FAM3B: variants seen among roughly 807,000 people sequenced by gnomAD.
FAM3B encodes FAM3 metabolism regulating signaling molecule B.
FAM3B carries 29 observed loss-of-function variants against 28.4 expected under a neutral mutation model. The ratio of observed to expected loss-of-function variants is 1.02; its 90% CI spans 0.76 to 1.39. The LOEUF (loss-of-function observed/expected upper bound fraction) is 1.39. Among genes scored for constraint, FAM3B ranks in the 40% most tolerant of loss-of-function variants. The pLI is 0.00. For missense variants in FAM3B, 266 were observed against 293.9 expected (o/e 0.91, Z 0.69); for synonymous variants, 91 against 103.0 (o/e 0.88, Z 0.71).
chr21:41,317,506 T>A (rs2088760760), intron 1 of FAM3B, among the ~76,000 whole-genome samples: 1 of 152,200 alleles, frequency 6.6e-6, no homozygotes, highest in Admixed American at 6.6e-5. Flanking sequence ...CTGTCCTCTG[T>A]CACTTTCCTG....
rs930714778 is a variant in FAM3B, at chr21:41,321,501, C to T, written c.20-1422C>T. Reference sequence around the variant, plus strand: ...GTCTGGTTTATCTGCTTTGAGATGACCTTCCAGTCCTGAAAACTGCACTGA... The same window carrying T: ...GTCTGGTTTATCTGCTTTGAGATGATCTTCCAGTCCTGAAAACTGCACTGA... On this transcript the variant is annotated intron_variant, in intron 1 of 7. Transcript: ENST00000357985. Among the ~76,000 whole-genome samples, 4 of 152,352 alleles carry T rather than the reference C, an allele frequency of 2.6e-5. No individual in the cohort carries two copies. The East Asian group carries it at 7.7e-4, about 29-fold the overall frequency.
intron 3 of FAM3B, among the ~76,000 whole-genome samples, chr21:41,341,628 G>A (rs1404624437): frequency 1.3e-5 from 2 of 152,202 alleles, no homozygotes; most frequent in Non-Finnish European, 1.5e-5. Flanking sequence ...ACTCTTTTGT[G>A]TCTGAGATTT....
chr21:41,340,536 T>A (rs1242883627), intron 3 of FAM3B, among the ~76,000 whole-genome samples: 5 of 152,206 alleles, frequency 3.3e-5, no homozygotes, highest in Admixed American at 2.0e-4. Context: ...CATGGCCTAA[T>A]CACCTCCTAA....
rs186562949 is a variant in FAM3B, at chr21:41,341,237, T to G, written c.287+2736T>G. Among the ~76,000 whole-genome samples the G allele has an allele frequency of 5.1e-3, 778 of 152,378 alleles. 4 individuals are homozygous for G. The highest frequency in any genetic ancestry group is 7.0e-3 in the African/African-American group (291 of 41,594). On this transcript the variant is annotated intron_variant, in intron 3 of 7. Coordinates refer to ENST00000357985, the MANE Select transcript of FAM3B (RefSeq NM_058186.4). ...ATAGCACGGATGTGTCATAGTTTAT[T>G]CAACTAGTTCTGCACTGATAGGCAT... is the stretch of plus-strand genomic sequence containing the variant.
chr21:41,323,151 T>G, intron 2 of FAM3B, 85 bp downstream of exon 2: 1 of 1,551,576 alleles, frequency 6.4e-7, no homozygotes, highest in Non-Finnish European at 8.7e-7. Context: ...AGCTGGAGGC[T>G]GGGGGGCCCT....
In FAM3B at chr21:41,327,950, C is replaced by G. The variant is rs561013287; in HGVS notation, c.163+4884C>G. 3.9e-5 allele frequency among the ~76,000 whole-genome samples: 6 copies of G among 152,284 alleles called. No homozygotes were observed. The South Asian group carries it at 1.0e-3, about 26-fold the overall frequency. ...TGCACAGTGGGTCCGTATAGAGGCG[C>G]GAGTCCTCTTCACCCTCCAGCTGAG... On this transcript the variant is annotated intron_variant, in intron 2 of 7. Transcript: ENST00000357985.
intron 7 of FAM3B, among the ~76,000 whole-genome samples, chr21:41,355,451 A>AT (rs2145837217): frequency 6.6e-6 from 1 of 152,362 alleles, no homozygotes; most frequent in East Asian, 1.9e-4. Context: ...AGAAATGTAT[A>AT]TATAAAATAT....
At chr21:41,349,930 G>A (rs940093307) in intron 7 of FAM3B, among the ~76,000 whole-genome samples, 1 of 151,734 alleles carries the variant, frequency 6.6e-6, no homozygotes. Flanking sequence ...CCCTGGCCTC[G>A]ACCCCTCCTT....
rs919561059 is a variant in FAM3B at position 41,353,765 on chromosome 21, T to C, written c.619-3343T>C. ...TTGGTTTAAGCAATGGTTTCTTAGA[T>C]ATGACACCACTAACAACAAAAGAAA... On this transcript the variant is annotated intron_variant, in intron 7 of 7. Transcript: ENST00000357985. Among the ~76,000 whole-genome samples the C allele has an allele frequency of 7.2e-5, 11 of 152,334 alleles. 1 individual carries two copies. Among genetic ancestry groups the C allele is most frequent in the East Asian group, 1.9e-4 (1 of 5,186 alleles).
At chr21:41,333,458 C>T (rs1323386955) in intron 2 of FAM3B, among the ~76,000 whole-genome samples, 2 of 152,098 alleles carry the variant, frequency 1.3e-5, no homozygotes, top group Admixed American at 1.3e-4. Context: ...GTGGTACCTC[C>T]CTCTTCTCTC....
rs2088860146 is a variant in FAM3B at position 41,326,984 on chromosome 21, G to C, written c.163+3918G>C. On this transcript the variant is annotated intron_variant, in intron 2 of 7. Coordinates refer to ENST00000357985, the MANE Select transcript of FAM3B (RefSeq NM_058186.4). The surrounding 1 kb of genome is among the most constrained non-coding windows in gnomAD (Gnocchi z 4.0). ...CTGGTGCCCTTTGATCATTGCAAAG[G>C]CTCCCAGTGCCTGTTGGTGCCAGAG... Among the ~76,000 whole-genome samples the C allele has an allele frequency of 6.6e-6, 1 of 152,192 alleles. No individual in the cohort carries two copies. Among genetic ancestry groups the C allele is most frequent in the African/African-American group, 2.4e-5 (1 of 41,434 alleles).
intron 1 of FAM3B, among the ~76,000 whole-genome samples, chr21:41,304,763 C>G (rs1168491279): frequency 2.6e-5 from 4 of 152,156 alleles, no homozygotes; most frequent in African/African-American, 9.7e-5. Context: ...TCCTGCTTGT[C>G]CCTGAAAACA....
chr21:41,334,215 G>C (rs1199453966), intron 2 of FAM3B, among the ~76,000 whole-genome samples: 1 of 152,216 alleles, frequency 6.6e-6, no homozygotes, highest in Non-Finnish European at 1.5e-5. Flanking sequence ...AGAAAAGCCT[G>C]TTTTCACAGG....
At chr21:41,316,795 C>T (rs748412177), upstream of FAM3B, 163 of 1,353,216 alleles carry the variant, frequency 1.2e-4, no homozygotes, top group Non-Finnish European at 1.4e-4. Context: ...GCTGCCCGCC[C>T]CTTGCCTTCC....
intron 7 of FAM3B, 107 bp downstream of exon 7, chr21:41,348,831 G>A: frequency 8.0e-7 from 1 of 1,249,896 alleles, no homozygotes; most frequent in Non-Finnish European, 1.1e-6. Context: ...CATAAGAGTT[G>A]TGTCAGCTGT....
At chr21:41,311,248 AAAAATATATAT>A (rs1337207714) in intron 1 of FAM3B, among the ~76,000 whole-genome samples, 4 of 64,276 alleles carry the variant, frequency 6.2e-5, no homozygotes, top group African/African-American at 1.8e-4. Flanking sequence ...AAAAAAAAAA[AAAAATATATAT>A]ATATATATAT....
intron 7 of FAM3B, among the ~76,000 whole-genome samples, chr21:41,350,641 G>A (rs550870114): frequency 3.5e-4 from 53 of 152,320 alleles, no homozygotes; most frequent in African/African-American, 1.3e-3. Context: ...CAGGCTGTGC[G>A]CAGGACAACT....
intron 7 of FAM3B, among the ~76,000 whole-genome samples, chr21:41,349,636 G>A (rs966198326): frequency 6.6e-6 from 1 of 152,194 alleles, no homozygotes; most frequent in African/African-American, 2.4e-5. Flanking sequence ...ACAAGCAACA[G>A]AAGCAGCTCG....
At chr21:41,345,894 A>C in intron 5 of FAM3B, 158 bp downstream of exon 5, 1 of 597,416 alleles carries the variant, frequency 1.7e-6, no homozygotes, top group East Asian at 3.3e-5. Context: ...AGATCCTCTT[A>C]AACTCTAATT....
Sources: gnomAD v4.1 joint callset for allele counts (sites outside exome capture counted in the v4.1 genomes callset) on GRCh38, gnomAD v4.1.1 for gene constraint, Gnocchi (gnomAD v3.1) non-coding constraint, MANE v1.5 for transcripts, NCBI Gene and HGNC (gene_info 2026-07-23, HGNC 2026-07-21) for gene names.